The following OPN1SW variants were observed in gnomAD, a reference collection of about 807,000 sequenced individuals.
OPN1SW encodes opsin 1, short wave sensitive.
In OPN1SW, 25 loss-of-function variants were observed where a neutral mutation model predicts 31.9. The ratio of observed to expected loss-of-function variants is 0.78; its 90% CI spans 0.57 to 1.09. OPN1SW has a LOEUF of 1.09. Ranked by LOEUF, OPN1SW falls within the 50% of genes least tolerant of loss-of-function variation. OPN1SW has a pLI of 0.00. For synonymous variants in OPN1SW, 190 were observed against 171.9 expected (o/e 1.11, Z -0.82); for missense variants, 424 against 448.0 (o/e 0.95, Z 0.48).
At chr7:128,775,255 C>T in intron 1 of OPN1SW, 101 bp from the exon 2 acceptor site, 1 of 1,388,224 alleles carries the variant, frequency 7.2e-7, no homozygotes, top group Non-Finnish European at 1.0e-6. Context: ...AGAGACAGGG[C>T]TGGACTGACA....
chr7:128,773,943 CTTTTTTT>C, intron 3 of OPN1SW, 55 bp from the exon 4 acceptor site: 2 of 1,378,682 alleles, frequency 1.5e-6, no homozygotes, highest in South Asian at 1.4e-5. Flanking sequence ...CCTCTGGATG[CTTTTTTT>C]TTTTTTTTTT....
At chr7:128,773,466 G>T (rs1033919140) in intron 4 of OPN1SW, among the ~76,000 whole-genome samples, 183 bp downstream of exon 4, 1 of 151,928 alleles carries the variant, frequency 6.6e-6, no homozygotes, top group African/African-American at 2.4e-5. Context: ...CTATTTTCTC[G>T]TCTTGATAAC....
In OPN1SW at chr7:128,775,678, GC is replaced by G. The variant is rs1266608291; in HGVS notation, c.103del (p.Ala35GlnfsTer10). ...IAPVWAFYLQ[A>X]AFMGTVFLIG... ...AAGGAAGACAGTGCCCATGAAAGCT[GC>G]CTGGAGGTAGAAGGCCCAGACAGGG... is the stretch of plus-strand genomic sequence containing the variant. On this transcript the variant is annotated frameshift_variant, in exon 1 of 5. Transcript: ENST00000249389. LOFTEE classifies it high-confidence loss of function. 2 of 1,614,080 alleles carry G rather than the reference GC, an allele frequency of 1.2e-6. No individual in the cohort carries two copies. The highest frequency in any genetic ancestry group is 2.7e-5 in the African/African-American group (2 of 74,914).
rs1464792950 is a variant in OPN1SW, at chr7:128,773,711, A to G, written c.856T>C (p.Ser286Pro). The change falls in exon 4 of 5, where the codon TCA (serine) becomes CCA (proline). Residue 286 changes from serine to proline, a missense_variant. By Grantham distance (74) the Ser-to-Pro change is moderately conservative. Coordinates refer to ENST00000249389, the MANE Select transcript of OPN1SW (RefSeq NM_001385125.1). Reference protein sequence around the residue: ...GLDLRLVTIPSFFSKSACIYN... With the variant: ...GLDLRLVTIPPFFSKSACIYN... ...ATGCAAGCACTCTTGGAGAAGAATG[A>G]AGGAATGGTGACAAGCCGTAAGTCC... The G allele has an allele frequency of 2.5e-6, 4 of 1,614,120 alleles. No individual in the cohort carries two copies. In the African/African-American group the frequency reaches 5.3e-5, roughly 22 times the overall value.
At chr7:128,774,438 C>G (rs1801710378) in intron 3 of OPN1SW, 60 bp downstream of exon 3, 2 of 1,602,064 alleles carry the variant, frequency 1.2e-6, no homozygotes, top group African/African-American at 1.3e-5. Flanking sequence ...TTTCAGAGCA[C>G]TCTTCCTTCT....
At position 128,775,576 on chromosome 7, in the gene OPN1SW, ATGTAG is replaced by A. The variant is rs766191391; in HGVS notation, c.201_205del (p.Tyr68SerfsTer25). ...GCCTCCGAAGGACACGTTGACCAGA[ATGTAG>A]TTGAGGGGCTGCCGCAACTTTTTGT... On this transcript the variant is annotated frameshift_variant, in exon 1 of 5. Coordinates refer to ENST00000249389, the MANE Select transcript of OPN1SW (RefSeq NM_001385125.1). LOFTEE classifies it high-confidence loss of function. The A allele has an allele frequency of 1.2e-6, 2 of 1,614,122 alleles. No homozygotes were observed. The highest frequency in any genetic ancestry group is 1.7e-6 in the Non-Finnish European group (2 of 1,179,996).
In OPN1SW at chr7:128,773,831, G is replaced by T. The variant is rs1376623078; in HGVS notation, c.736C>A (p.Arg246Ser). Residue 246 changes from arginine (R) to serine (S), a missense_variant, in exon 4 of 5, where the codon CGC (arginine) becomes AGC (serine). By Grantham distance (110) the Arg-to-Ser change is moderately radical. Transcript: ENST00000249389. The stretch of plus-strand genomic sequence containing the variant: ...GATCCTACCATCACAACCACCATGC[G>T]GCTCACCTCCCGTTCAGCCTTCTGG... ...TTQKAEREVS[R>S]MVVVMVGSFC... The T allele has an allele frequency of 5.0e-6, 8 of 1,613,708 alleles. No individual in the cohort carries two copies. The highest frequency in any genetic ancestry group is 6.8e-6 in the Non-Finnish European group (8 of 1,180,014).
rs200610158 is a variant in OPN1SW, at chr7:128,773,901, A to G, written c.679-13T>C. 3.9e-5 allele frequency: 63 copies of G among 1,606,404 alleles called. No homozygotes were observed. In the African/African-American group the frequency reaches 6.7e-4, roughly 17 times the overall value. ...GCTGAGCTGCAACCTGGGGTGGAGC[A>G]CGGAAAGCATCACATCTCTCTTTTT... On this transcript the variant is annotated splice_polypyrimidine_tract_variant and intron_variant, in intron 3 of 4. Transcript: ENST00000249389.
rs1351782596 is a variant in OPN1SW, at chr7:128,772,592, G to A, written c.986C>T (p.Ser329Phe). 4 of 1,614,204 alleles carry A rather than the reference G, an allele frequency of 2.5e-6. No homozygotes were observed. The highest frequency in any genetic ancestry group is 1.6e-4 in the Middle Eastern group (1 of 6,062). Residue 329 changes from serine to phenylalanine, a missense_variant, in exon 5 of 5, where the codon TCC becomes TTC. By Grantham distance (155) the Ser-to-Phe change is radical (BLOSUM62 -2). Transcript: ENST00000249389. Reference protein sequence around the residue: ...AMTDESDTCSSQKTEVSTVSS... With the variant: ...AMTDESDTCSFQKTEVSTVSS... ...GACAGTAGAAACTTCTGTTTTCTGG[G>A]AGCTGCATGTGTCGGATTCATCTGT...
Position 128,775,531 on chromosome 7 carries a change from G to C in OPN1SW, c.251C>G (p.Ser84Cys). 1 of 1,614,126 alleles carries C rather than the reference G, an allele frequency of 6.2e-7. No homozygotes were observed. The highest frequency in any genetic ancestry group is 8.5e-7 in the Non-Finnish European group (1 of 1,179,996). The change falls in exon 1 of 5, where the codon TCT (serine) becomes TGT (cysteine). Residue 84 changes from serine (S) to cysteine (C), a missense_variant. Coordinates refer to ENST00000249389, the MANE Select transcript of OPN1SW (RefSeq NM_001385125.1). ...GCTGGCGACGAAGACAGGGAAGACA[G>C]AGAAGATGCAGAGGAGGAAGCCTCC... ...SFGGFLLCIF[S>C]VFPVFVASCN...
intron 4 of OPN1SW, among the ~76,000 whole-genome samples, chr7:128,772,871 C>T (rs1294142182): frequency 4.6e-5 from 7 of 152,192 alleles, no homozygotes; most frequent in Non-Finnish European, 7.3e-5. Flanking sequence ...CTGGTCAAGT[C>T]TGAGACCTCA....
At chr7:128,774,307 C>T (rs531407557) in intron 3 of OPN1SW, among the ~76,000 whole-genome samples, 191 bp downstream of exon 3, 2 of 152,260 alleles carry the variant, frequency 1.3e-5, no homozygotes, top group South Asian at 2.1e-4. Context: ...ACTCTGATTG[C>T]CTCTTTTCTG....
At position 128,775,580 on chromosome 7, in the gene OPN1SW, A is replaced by G. The variant is rs140464762; in HGVS notation, c.202T>C (p.Tyr68His). 6.8e-6 allele frequency: 11 copies of G among 1,614,168 alleles called. No homozygotes were observed. The highest frequency in any genetic ancestry group is 9.3e-6 in the Non-Finnish European group (11 of 1,180,012). Residue 68 changes from tyrosine (Y) to histidine (H), a missense_variant, in exon 1 of 5, where the codon TAC (tyrosine) becomes CAC (histidine). Tyr to His is a moderately conservative substitution (Grantham distance 83, BLOSUM62 2). Coordinates refer to ENST00000249389, the MANE Select transcript of OPN1SW (RefSeq NM_001385125.1). Reference sequence around the variant, plus strand: ...CCGAAGGACACGTTGACCAGAATGTAGTTGAGGGGCTGCCGCAACTTTTTG... The same window carrying G: ...CCGAAGGACACGTTGACCAGAATGTGGTTGAGGGGCTGCCGCAACTTTTTG... Reference protein sequence around the residue: ...RYKKLRQPLNYILVNVSFGGF... With the variant: ...RYKKLRQPLNHILVNVSFGGF...
chr7:128,773,452 G>A (rs1233468941), intron 4 of OPN1SW, among the ~76,000 whole-genome samples, 197 bp downstream of exon 4: 2 of 151,886 alleles, frequency 1.3e-5, no homozygotes, highest in Non-Finnish European at 2.9e-5. Flanking sequence ...TTTCCTCCGG[G>A]GTTCTATTTT....
Position 128,773,864 on chromosome 7 carries a change from C to G in OPN1SW, c.703G>C (p.Ala235Pro). The G allele has an allele frequency of 6.2e-7, 1 of 1,612,658 alleles. No individual in the cohort carries two copies. The highest frequency in any genetic ancestry group is 1.7e-4 in the Middle Eastern group (1 of 6,060). The change falls in exon 4 of 5, where the codon GCT becomes CCT. Residue 235 changes from alanine to proline, a missense_variant. Ala to Pro is a conservative substitution (Grantham distance 27). Coordinates refer to ENST00000249389, the MANE Select transcript of OPN1SW (RefSeq NM_001385125.1). Reference sequence around the variant, plus strand: ...TCCCGTTCAGCCTTCTGGGTCGTAGCTGACTCCTGCTGCTGAGCTGCAACC... The same window carrying G: ...TCCCGTTCAGCCTTCTGGGTCGTAGGTGACTCCTGCTGCTGAGCTGCAACC... ...KAVAAQQQES[A>P]TTQKAEREVS...
chr7:128,774,864 G>A (rs1419454941), intron 2 of OPN1SW, 122 bp downstream of exon 2: 16 of 1,395,682 alleles, frequency 1.1e-5, no homozygotes, highest in Admixed American at 5.7e-5. Context: ...CTGCCCTTTC[G>A]CCTCATATTG....
Position 128,775,430 on chromosome 7 carries a change from C to G in OPN1SW, c.343+9G>C. 1 of 1,609,212 alleles carries G rather than the reference C, an allele frequency of 6.2e-7. No individual in the cohort carries two copies. Among genetic ancestry groups the G allele is most frequent in the East Asian group, 2.2e-5 (1 of 44,802 alleles). On this transcript the variant is annotated intron_variant, in intron 1 of 4. Coordinates refer to ENST00000249389, the MANE Select transcript of OPN1SW (RefSeq NM_001385125.1). ...TGCCTTCCCCTAACCCCTTTTTCCC[C>G]TGCAGTACCTGCTACAGTGCCCAGG...
At chr7:128,773,289 AATTTT>A (rs1379770030) in intron 4 of OPN1SW, among the ~76,000 whole-genome samples, 8 of 152,130 alleles carry the variant, frequency 5.3e-5, no homozygotes, top group African/African-American at 1.4e-4. Flanking sequence ...TTATTTTTTT[AATTTT>A]ATTTAAGTTC....
Position 128,773,894 on chromosome 7 carries a change from G to C in OPN1SW, c.679-6C>G. 2 of 1,608,646 alleles carry C rather than the reference G, an allele frequency of 1.2e-6. No homozygotes were observed. Among genetic ancestry groups the C allele is most frequent in the Non-Finnish European group, 1.7e-6 (2 of 1,179,888 alleles). On this transcript the variant is annotated splice_region_variant and splice_polypyrimidine_tract_variant and intron_variant, in intron 3 of 4. Transcript: ENST00000249389. ...TCCTGCTGCTGAGCTGCAACCTGGG[G>C]TGGAGCACGGAAAGCATCACATCTC...
Sources: allele counts gnomAD v4.1 joint callset (sites outside exome capture counted in the v4.1 genomes callset), GRCh38; gene constraint gnomAD v4.1.1; transcripts MANE v1.5; gene names NCBI Gene and HGNC (gene_info 2026-07-23, HGNC 2026-07-21).